The following RUVBL2 variants were observed in gnomAD, a reference collection of about 807,000 sequenced individuals.
The protein encoded by RUVBL2 is RuvB like AAA ATPase 2, also known as ruvB-like 2.
RUVBL2 carries 9 observed loss-of-function variants against 57.9 expected under a neutral mutation model. The ratio of observed to expected loss-of-function variants is 0.16; its 90% CI spans 0.09 to 0.27. The LOEUF (loss-of-function observed/expected upper bound fraction) is 0.27, where lower values mean the gene tolerates loss of function less well. Among genes scored for constraint, RUVBL2 ranks in the 10% least tolerant of loss-of-function variants. RUVBL2 has a pLI of 1.00. For synonymous variants in RUVBL2, 278 were observed against 264.6 expected (o/e 1.05, Z -0.49); for missense variants, 456 against 669.6 (o/e 0.68, Z 3.52).
rs1429060305 is a variant in RUVBL2 at position 49,004,257 on chromosome 19, T to C, written c.124-20T>C. 3.7e-6 allele frequency: 6 copies of C among 1,608,596 alleles called. No homozygotes were observed. The Admixed American group carries it at 5.0e-5, about 13-fold the overall frequency. On this transcript the variant is annotated intron_variant, in intron 3 of 14. Coordinates refer to ENST00000595090, the MANE Select transcript of RUVBL2 (RefSeq NM_006666.3). ...GGTAGCCCCACAGGAAATCACCTCATGTGCGCCTCCCACCCACAGGCTTCG... is the reference window on the plus strand; with the variant it reads ...GGTAGCCCCACAGGAAATCACCTCACGTGCGCCTCCCACCCACAGGCTTCG...
chr19:48,999,517 A>G (rs2039135056), intron 2 of RUVBL2, 144 bp downstream of exon 2: 6 of 803,778 alleles, frequency 7.5e-6, no homozygotes, highest in South Asian at 3.0e-5. Flanking sequence ...CACTCGCCCT[A>G]TCTAATGGGG....
chr19:49,012,619 G>A (rs377064159), intron 11 of RUVBL2, among the ~76,000 whole-genome samples: 4 of 152,320 alleles, frequency 2.6e-5, no homozygotes, highest in Admixed American at 6.5e-5. Context: ...TATCTGCCCT[G>A]CTTTCGGCAA....
intron 1 of RUVBL2, among the ~76,000 whole-genome samples, chr19:48,997,270 G>A (rs2039080571): frequency 1.3e-5 from 2 of 152,102 alleles, no homozygotes; most frequent in South Asian, 2.1e-4. Flanking sequence ...TCTTTCGTGT[G>A]TGGCTTCTTT....
intron 1 of RUVBL2, chr19:48,994,588 G>A (rs2039016145): frequency 6.6e-6 from 1 of 152,324 alleles, no homozygotes; most frequent in South Asian, 2.0e-4. Flanking sequence ...TGTGAATGAA[G>A]GAGAGGCCAG....
intron 2 of RUVBL2, 43 bp downstream of exon 2, chr19:48,999,416 C>T: frequency 1.2e-6 from 2 of 1,605,854 alleles, no homozygotes; most frequent in Non-Finnish European, 1.7e-6. Flanking sequence ...CCCTGCCTGC[C>T]ATGTGCCCTG....
chr19:48,998,341 C>G (rs2039105137), intron 1 of RUVBL2, among the ~76,000 whole-genome samples: 1 of 152,162 alleles, frequency 6.6e-6, no homozygotes, highest in African/African-American at 2.4e-5. Context: ...CAGAGCATGT[C>G]CAGCTCCATG....
chr19:49,006,918 C>T (rs1289285157), intron 4 of RUVBL2, 100 bp from the exon 5 acceptor site: 7 of 1,497,828 alleles, frequency 4.7e-6, no homozygotes, highest in Non-Finnish European at 5.4e-6. Context: ...GGCACTGAAC[C>T]CTCTTTCCTG....
At chr19:49,002,294 C>G (rs966871822) in intron 2 of RUVBL2, among the ~76,000 whole-genome samples, 1 of 152,054 alleles carries the variant, frequency 6.6e-6, no homozygotes, top group African/African-American at 2.4e-5. Context: ...AGGTGATCTG[C>G]TTGCCTCTGC....
At chr19:49,007,512 G>A (rs2039305718) in intron 6 of RUVBL2, 144 bp downstream of exon 6, 1 of 657,460 alleles carries the variant, frequency 1.5e-6, no homozygotes, top group Non-Finnish European at 2.6e-6. Context: ...TACAGTAGGA[G>A]GTCAGTTAAC....
At chr19:49,003,485 G>C in intron 3 of RUVBL2, 151 bp downstream of exon 3, 1 of 698,236 alleles carries the variant, frequency 1.4e-6, no homozygotes, top group South Asian at 1.9e-5. Context: ...GGGTTTTCTT[G>C]GTACTAAAGA....
intron 11 of RUVBL2, among the ~76,000 whole-genome samples, chr19:49,012,054 A>G (rs1209010878): frequency 6.6e-6 from 1 of 152,124 alleles, no homozygotes; most frequent in African/African-American, 2.4e-5. Context: ...CAGCCCCCAT[A>G]GGCTGTGATC....
intron 1 of RUVBL2, 148 bp downstream of exon 1, chr19:48,994,071 AC>A: frequency 2.3e-6 from 1 of 434,714 alleles, no homozygotes. Context: ...AAGCTCGGCC[AC>A]CCAGATCTGG....
chr19:49,014,395 G>A, intron 11 of RUVBL2, 89 bp from the exon 12 acceptor site: 1 of 1,493,934 alleles, frequency 6.7e-7, no homozygotes, highest in Non-Finnish European at 9.1e-7. Flanking sequence ...CCAGTGAGTG[G>A]GTGGCGATGG....
intron 2 of RUVBL2, among the ~76,000 whole-genome samples, chr19:49,002,929 G>A (rs1415206836): frequency 6.6e-6 from 1 of 152,180 alleles, no homozygotes; most frequent in Non-Finnish European, 1.5e-5. Context: ...AATAAACTGA[G>A]AACATGTGGG....
Position 49,007,037 on chromosome 19 carries a change from C to T in RUVBL2, c.285C>T (p.Gly95=). The change falls in exon 5 of 15, where the codon GGC becomes GGT. Residue 95 remains glycine, a synonymous_variant. Coordinates refer to ENST00000595090, the MANE Select transcript of RUVBL2 (RefSeq NM_006666.3). ...AIAMGMAQAL[G]PDTPFTAIAG... ...TCCCAGGCATGGCGCAGGCCCTGGG[C>T]CCTGACACGCCATTCACAGCCATCG... 1.2e-6 allele frequency: 2 copies of T among 1,613,090 alleles called. No individual in the cohort carries two copies. Among genetic ancestry groups the T allele is most frequent in the Non-Finnish European group, 1.7e-6 (2 of 1,180,036 alleles).
intron 1 of RUVBL2, among the ~76,000 whole-genome samples, chr19:48,998,690 CAG>C (rs1266608149): frequency 6.9e-6 from 1 of 145,768 alleles, no homozygotes; most frequent in African/African-American, 2.6e-5. Flanking sequence ...ACCTGGGCGA[CAG>C]AGCAGACTCC....
At chr19:49,010,744 T>C (rs1447962414) in intron 9 of RUVBL2, 133 bp downstream of exon 9, 11 of 1,342,342 alleles carry the variant, frequency 8.2e-6, no homozygotes, top group African/African-American at 1.5e-5. Flanking sequence ...GGCCCGTGGC[T>C]GCCTCTGTTC....
chr19:49,013,095 C>T (rs1047724130), intron 11 of RUVBL2, among the ~76,000 whole-genome samples: 1 of 152,054 alleles, frequency 6.6e-6, no homozygotes, highest in African/African-American at 2.4e-5. Context: ...TCCTGAGTAG[C>T]TGGGATTATG....
At chr19:49,004,235 A>G (rs897917219) in intron 3 of RUVBL2, 42 bp from the exon 4 acceptor site, 1 of 1,601,126 alleles carries the variant, frequency 6.2e-7, no homozygotes, top group East Asian at 2.2e-5. Flanking sequence ...ATGCCATGGT[A>G]GCCCCACAGG....
Sources: gnomAD v4.1 joint callset for allele counts (sites outside exome capture counted in the v4.1 genomes callset) on GRCh38, gnomAD v4.1.1 for gene constraint, MANE v1.5 for transcripts, NCBI Gene and HGNC (gene_info 2026-07-23, HGNC 2026-07-21) for gene names.